Variants in RAB22A observed in about 807,000 individuals in gnomAD.
RAB22A encodes the protein RAB22A, member RAS oncogene family.
In RAB22A, 13 loss-of-function variants were observed where a neutral mutation model predicts 30.2. The ratio of observed to expected loss-of-function variants is 0.43; its 90% CI spans 0.28 to 0.68. The LOEUF (loss-of-function observed/expected upper bound fraction) is 0.68. Ranked by LOEUF, RAB22A falls within the 30% of genes least tolerant of loss-of-function variation. The pLI is 0.18. For missense variants in RAB22A, 177 were observed against 246.8 expected, an observed-to-expected ratio of 0.72 and a Z score of 1.89; for synonymous variants, 89 against 87.2, an observed-to-expected ratio of 1.02 and a Z score of -0.11.
At chr20:58,356,590 G>T (rs1987132783) in intron 6 of RAB22A, among the ~76,000 whole-genome samples, 1 of 152,202 alleles carries the variant, frequency 6.6e-6, no homozygotes, top group South Asian at 2.1e-4. Flanking sequence ...TTCACAAACT[G>T]AATATACTCC....
At chr20:58,346,588 T>C (rs1001062922) in intron 3 of RAB22A, among the ~76,000 whole-genome samples, 4 of 152,230 alleles carry the variant, frequency 2.6e-5, no homozygotes, top group Non-Finnish European at 5.9e-5. Flanking sequence ...GGCCCCAACT[T>C]TGTTCTTCAT....
At chr20:58,353,580 T>C (rs1987087541) in intron 5 of RAB22A, 42 bp downstream of exon 5, 3 of 1,428,412 alleles carry the variant, frequency 2.1e-6, no homozygotes, top group Admixed American at 3.5e-5. Flanking sequence ...TATTATGTGT[T>C]CCTTTTCTTA....
chr20:58,351,398 A>T (rs1187534808), intron 3 of RAB22A, among the ~76,000 whole-genome samples: 2 of 152,220 alleles, frequency 1.3e-5, no homozygotes, highest in Non-Finnish European at 2.9e-5. Context: ...CTTAAAAAAT[A>T]ATACAAGCAA....
chr20:58,317,214 G>C (rs145435680), intron 2 of RAB22A, among the ~76,000 whole-genome samples: 1,923 of 151,540 alleles, frequency 0.013, 23 homozygotes, highest in South Asian at 0.023. Flanking sequence ...CTCCTGTTTC[G>C]ACCTCCCGAG....
rs1987291350 is a variant in RAB22A, at chr20:58,365,033, C to A, written c.*5330C>A. On this transcript the variant is annotated 3_prime_UTR_variant, in exon 7 of 7. Transcript: ENST00000244040. ...TACAGACGTGAGCCACCGCGCCCAA[C>A]CAGTAACGATTTTTTTAAAGGGCCT... is the stretch of plus-strand genomic sequence containing the variant. 1 of 152,156 alleles carries A rather than the reference C, an allele frequency of 6.6e-6. No homozygotes were observed. Among genetic ancestry groups the A allele is most frequent in the South Asian group, 2.1e-4 (1 of 4,826 alleles). 9.4% of individuals were successfully genotyped at this position (152,156 alleles called of 1,614,324 possible). A position where few individuals can be genotyped will look rare whatever the true frequency, so the allele number is the denominator to read the frequency against.
chr20:58,313,504 G>A (rs1986272536), intron 2 of RAB22A, among the ~76,000 whole-genome samples: 2 of 151,914 alleles, frequency 1.3e-5, no homozygotes, highest in South Asian at 2.1e-4. Flanking sequence ...TCCACCACAA[G>A]AGCACCCATT....
chr20:58,355,056 C>T (rs1296849124), intron 6 of RAB22A, among the ~76,000 whole-genome samples: 1 of 152,178 alleles, frequency 6.6e-6, no homozygotes, highest in African/African-American at 2.4e-5. Context: ...GAAGCAGGCC[C>T]TGTAGAGGTG....
chr20:58,314,955 G>A (rs759243725), intron 2 of RAB22A, among the ~76,000 whole-genome samples: 1 of 152,292 alleles, frequency 6.6e-6, no homozygotes, highest in East Asian at 1.9e-4. Context: ...AGCAAGGACC[G>A]TGAGGCGGGA....
intron 5 of RAB22A, 61 bp from the exon 6 acceptor site, chr20:58,354,095 G>C (rs1456059779): frequency 8.2e-7 from 1 of 1,212,290 alleles, no homozygotes; most frequent in African/African-American, 1.5e-5. Context: ...TACTGGGTAG[G>C]TGGGGGTACA....
At chr20:58,349,888 A>T (rs1434635208) in intron 3 of RAB22A, among the ~76,000 whole-genome samples, 3 of 152,254 alleles carry the variant, frequency 2.0e-5, no homozygotes, top group Admixed American at 2.0e-4. Context: ...AGTGAGTAGA[A>T]GCAAACCCTA....
chr20:58,358,465 G>A (rs959700018), intron 6 of RAB22A, among the ~76,000 whole-genome samples: 3 of 152,150 alleles, frequency 2.0e-5, no homozygotes, highest in Non-Finnish European at 4.4e-5. Flanking sequence ...ACACATACTC[G>A]TAAGTTCAGA....
intron 2 of RAB22A, among the ~76,000 whole-genome samples, chr20:58,335,695 A>G (rs1986738211): frequency 1.3e-5 from 2 of 152,282 alleles, no homozygotes; most frequent in Admixed American, 1.3e-4. Context: ...GTTTGGGTCT[A>G]TCCTTGTTTT....
At chr20:58,335,633 A>C (rs1986736612) in intron 2 of RAB22A, among the ~76,000 whole-genome samples, 1 of 152,252 alleles carries the variant, frequency 6.6e-6, no homozygotes, top group African/African-American at 2.4e-5. Context: ...AACTGCTAAG[A>C]TCAAACTTCC....
At chr20:58,348,095 C>T (rs574232655) in intron 3 of RAB22A, among the ~76,000 whole-genome samples, 38 of 152,220 alleles carry the variant, frequency 2.5e-4, no homozygotes, top group Non-Finnish European at 4.9e-4. Context: ...GGCATGGTGG[C>T]GCACACCTGT....
intron 5 of RAB22A, among the ~76,000 whole-genome samples, 173 bp from the exon 6 acceptor site, chr20:58,353,983 T>C (rs1413679646): frequency 6.6e-6 from 1 of 152,196 alleles, no homozygotes; most frequent in Admixed American, 6.5e-5. Context: ...TTGTTTCACT[T>C]TGTTTGTTTA....
chr20:58,315,547 T>C (rs1403849789), intron 2 of RAB22A, among the ~76,000 whole-genome samples: 3 of 81,782 alleles, frequency 3.7e-5, no homozygotes, highest in African/African-American at 1.9e-4. Context: ...GGGTCACTCT[T>C]GTGGAGGTTG....
rs1292651313 is a variant in RAB22A at position 58,363,207 on chromosome 20, G to T, written c.*3504G>T. The T allele has an allele frequency of 6.6e-6, 1 of 152,142 alleles. No individual in the cohort carries two copies. 9.4% of individuals were successfully genotyped at this position (152,142 alleles called of 1,614,324 possible). ...GCATGTCAGCCTCCAGCTCAGAAAG[G>T]CATTTGCTCATGGTTACAGGCATCT... On this transcript the variant is annotated 3_prime_UTR_variant, in exon 7 of 7. Coordinates refer to ENST00000244040, the MANE Select transcript of RAB22A (RefSeq NM_020673.3).
intron 6 of RAB22A, among the ~76,000 whole-genome samples, chr20:58,355,544 G>A (rs1394593251): frequency 2.6e-5 from 4 of 152,172 alleles, no homozygotes; most frequent in African/African-American, 9.7e-5. Flanking sequence ...ATGTGCCCGG[G>A]CATGGTGGTT....
At chr20:58,351,962 CAAAT>C (rs1270850434) in intron 3 of RAB22A, among the ~76,000 whole-genome samples, 1 of 151,980 alleles carries the variant, frequency 6.6e-6, no homozygotes, top group Non-Finnish European at 1.5e-5. Flanking sequence ...AATATAAAAA[CAAAT>C]AAAGAATGCA....
Sources: gnomAD v4.1 joint callset for allele counts (sites outside exome capture counted in the v4.1 genomes callset) on GRCh38, gnomAD v4.1.1 for gene constraint, MANE v1.5 for transcripts, NCBI Gene and HGNC (gene_info 2026-07-23, HGNC 2026-07-21) for gene names.